The following L3MBTL4 variants were observed in gnomAD, a reference collection of about 807,000 sequenced individuals.
L3MBTL4 encodes L3MBTL histone methyl-lysine binding protein 4.
Under a neutral mutation model 84.5 loss-of-function variants are expected in L3MBTL4, and 70 were observed. The ratio of observed to expected loss-of-function variants is 0.83; its 90% CI spans 0.68 to 1.01. The LOEUF (loss-of-function observed/expected upper bound fraction) is 1.01. Ranked by LOEUF, L3MBTL4 falls within the 50% of genes least tolerant of loss-of-function variation. The pLI, the probability that L3MBTL4 is intolerant of heterozygous loss-of-function variation, is 0.00. For synonymous variants in L3MBTL4, 274 were observed against 259.8 expected (o/e 1.05, Z -0.52); for missense variants, 715 against 754.8 (o/e 0.95, Z 0.62).
intron 16 of L3MBTL4, among the ~76,000 whole-genome samples, chr18:6,047,858 C>T (rs554471263): frequency 3.7e-4 from 56 of 152,270 alleles, no homozygotes; most frequent in African/African-American, 1.3e-3. Flanking sequence ...GCAAAGATGC[C>T]CACTCTCACC....
In L3MBTL4 at chr18:6,236,265, G is replaced by A. The variant is rs141044830; in HGVS notation, c.784+1699C>T. Among the ~76,000 whole-genome samples, 364 of 152,238 alleles carry A rather than the reference G, an allele frequency of 2.4e-3. 1 individual carries two copies. The Middle Eastern group carries it at 0.031, about 13-fold the overall frequency. The stretch of plus-strand genomic sequence containing the variant: ...ACGAACCAATGAAAAAGAACTGAGG[G>A]ACCTGAAATAAACTCACACTCTATG... On this transcript the variant is annotated intron_variant, in intron 10 of 18. Transcript: ENST00000317931.
chr18:6,038,299 G>C (rs905029382), intron 16 of L3MBTL4, among the ~76,000 whole-genome samples: 1 of 129,628 alleles, frequency 7.7e-6, no homozygotes, highest in African/African-American at 3.0e-5. Context: ...TGTCGCCCAA[G>C]CTGGAGTGCA....
At chr18:6,410,744 T>C (rs1414771817) in intron 1 of L3MBTL4, among the ~76,000 whole-genome samples, 1 of 152,218 alleles carries the variant, frequency 6.6e-6, no homozygotes, top group Admixed American at 6.5e-5. Flanking sequence ...AAACAATTTA[T>C]TAATCAATTA....
At chr18:6,351,349 C>A (rs2053176692) in intron 1 of L3MBTL4, among the ~76,000 whole-genome samples, 1 of 151,884 alleles carries the variant, frequency 6.6e-6, no homozygotes, top group African/African-American at 2.4e-5. Context: ...ATGGTAGCTA[C>A]CAGGGTCTGG....
At position 5,955,342 on chromosome 18, in the gene L3MBTL4, C is replaced by T. The variant is rs1163554810; in HGVS notation, c.*878G>A. 6.6e-6 allele frequency: 1 copy of T among 152,230 alleles called. No homozygotes were observed. The highest frequency in any genetic ancestry group is 1.5e-5 in the Non-Finnish European group (1 of 68,078). 9.4% of individuals were successfully genotyped at this position (152,230 alleles called of 1,614,324 possible). ...GCCCCAGATGTAATATAACACAGCT[C>T]CTTATTACAGGGGTTCTGGCAGACT... On this transcript the variant is annotated 3_prime_UTR_variant, in exon 19 of 19. Transcript: ENST00000317931.
chr18:6,146,522 G>C (rs933487327), intron 13 of L3MBTL4, among the ~76,000 whole-genome samples: 28 of 152,226 alleles, frequency 1.8e-4, no homozygotes, highest in African/African-American at 6.5e-4. Context: ...GCTGGGTTTC[G>C]CAAAGTGCCA....
At chr18:6,165,384 T>C (rs1299738366) in intron 13 of L3MBTL4, among the ~76,000 whole-genome samples, 1 of 152,092 alleles carries the variant, frequency 6.6e-6, no homozygotes, top group Admixed American at 6.5e-5. Flanking sequence ...AATTGTCAGA[T>C]TCACCAAAGT....
intron 1 of L3MBTL4, among the ~76,000 whole-genome samples, chr18:6,391,100 A>C (rs1217774913): frequency 6.6e-6 from 1 of 152,208 alleles, no homozygotes; most frequent in Non-Finnish European, 1.5e-5. Flanking sequence ...AATACTAGCT[A>C]ATTGAATCCA....
chr18:6,327,641 T>C (rs1011631336), intron 1 of L3MBTL4, among the ~76,000 whole-genome samples: 2 of 152,080 alleles, frequency 1.3e-5, no homozygotes, highest in Non-Finnish European at 2.9e-5. Flanking sequence ...GGGATGAAGA[T>C]ATACAGGTTT....
At chr18:6,101,991 A>G (rs1426246102) in intron 14 of L3MBTL4, among the ~76,000 whole-genome samples, 1 of 152,176 alleles carries the variant, frequency 6.6e-6, no homozygotes, top group Non-Finnish European at 1.5e-5. Flanking sequence ...ATAAAACCTA[A>G]GCTCTGGTCA....
intron 16 of L3MBTL4, among the ~76,000 whole-genome samples, chr18:6,078,503 G>T (rs986676687): frequency 4.7e-5 from 7 of 149,460 alleles, no homozygotes; most frequent in Admixed American, 2.0e-4. Flanking sequence ...GATCAGATTT[G>T]CAGGCTTAAG....
At position 6,127,338 on chromosome 18, in the gene L3MBTL4, T is replaced by A. The variant is rs572778756; in HGVS notation, c.1199+10856A>T. Among the ~76,000 whole-genome samples, 4 of 152,290 alleles carry A rather than the reference T, an allele frequency of 2.6e-5. No homozygotes were observed. The South Asian group carries it at 8.3e-4, about 32-fold the overall frequency. ...CTGTCGTTAGTGGTAGTATATTTTG[T>A]GTGTGGCCCAAGACGATGCTTCTTC... On this transcript the variant is annotated intron_variant, in intron 14 of 18. Coordinates refer to ENST00000317931, the MANE Select transcript of L3MBTL4 (RefSeq NM_001330559.2).
At chr18:6,291,866 A>C (rs2049880288) in intron 4 of L3MBTL4, among the ~76,000 whole-genome samples, 1 of 152,200 alleles carries the variant, frequency 6.6e-6, no homozygotes, top group Admixed American at 6.5e-5. Context: ...TACCAAGCTA[A>C]AAACTTTCTG....
At chr18:6,060,384 C>T (rs1331747463) in intron 16 of L3MBTL4, among the ~76,000 whole-genome samples, 2 of 151,472 alleles carry the variant, frequency 1.3e-5, no homozygotes, top group Non-Finnish European at 2.9e-5. Context: ...GAAGTACTCG[C>T]AATCAGCTTT....
chr18:6,078,934 C>T (rs764166186), intron 16 of L3MBTL4, among the ~76,000 whole-genome samples: 21 of 152,134 alleles, frequency 1.4e-4, no homozygotes, highest in Non-Finnish European at 2.2e-4. Flanking sequence ...ATAAGGAACA[C>T]GCAATCTAGA....
At chr18:6,381,322 C>A (rs1467731160) in intron 1 of L3MBTL4, among the ~76,000 whole-genome samples, 1 of 152,112 alleles carries the variant, frequency 6.6e-6, no homozygotes, top group Admixed American at 6.6e-5. Context: ...GGGCATTTAG[C>A]CCATTTACAT....
chr18:6,228,169 GAACA>G (rs1364558744), intron 10 of L3MBTL4, among the ~76,000 whole-genome samples: 1 of 152,096 alleles, frequency 6.6e-6, no homozygotes, highest in Non-Finnish European at 1.5e-5. Context: ...ATTCAAAGGA[GAACA>G]AATAGCGTTT....
chr18:5,964,977 A>C (rs910648173), intron 17 of L3MBTL4, among the ~76,000 whole-genome samples: 37 of 152,226 alleles, frequency 2.4e-4, no homozygotes, highest in Admixed American at 7.2e-4. Context: ...ATATGAAACT[A>C]TATTAGTCCC....
chr18:6,266,024 A>G (rs1205611258), intron 4 of L3MBTL4, among the ~76,000 whole-genome samples: 1 of 152,246 alleles, frequency 6.6e-6, no homozygotes, highest in Non-Finnish European at 1.5e-5. Flanking sequence ...TTCACTTGAT[A>G]TAATCATTCC....
Sources: gnomAD v4.1 joint callset for allele counts (sites outside exome capture counted in the v4.1 genomes callset) on GRCh38, gnomAD v4.1.1 for gene constraint, MANE v1.5 for transcripts, NCBI Gene and HGNC (gene_info 2026-07-23, HGNC 2026-07-21) for gene names.